PFDN1: variants seen among roughly 807,000 people sequenced by gnomAD.
PFDN1 encodes prefoldin 1.
In PFDN1, 6 loss-of-function variants were observed where a neutral mutation model predicts 17.3. That is an observed-to-expected ratio of 0.35 (90% CI 0.19 to 0.69). The LOEUF is 0.69. PFDN1 is among the 30% of genes least tolerant of loss of function. The pLI, the probability that PFDN1 is intolerant of heterozygous loss-of-function variation, is 0.65. For missense variants in PFDN1, 113 were observed against 146.2 expected (o/e 0.77, Z 1.17); for synonymous variants, 58 against 50.1 (o/e 1.16, Z -0.67).
intron 3 of PFDN1, among the ~76,000 whole-genome samples, chr5:140,248,659 A>G (rs1764867309): frequency 6.6e-6 from 1 of 152,222 alleles, no homozygotes; most frequent in South Asian, 2.1e-4. Flanking sequence ...TCAACTTGGA[A>G]CATCAGCAAG....
intron 3 of PFDN1, among the ~76,000 whole-genome samples, chr5:140,258,915 G>C (rs1316116772): frequency 6.6e-6 from 1 of 152,098 alleles, no homozygotes; most frequent in African/African-American, 2.4e-5. Flanking sequence ...GCATAGACGT[G>C]GTACTTGAAG....
intron 2 of PFDN1, among the ~76,000 whole-genome samples, chr5:140,299,850 A>G (rs1765713926): frequency 6.6e-6 from 1 of 151,848 alleles, no homozygotes; most frequent in South Asian, 2.1e-4. Context: ...CGTCTCTACT[A>G]AAAACACAAA....
At chr5:140,266,907 AG>A (rs1277306403) in intron 3 of PFDN1, among the ~76,000 whole-genome samples, 1 of 152,280 alleles carries the variant, frequency 6.6e-6, no homozygotes. Context: ...AAATCAAAGC[AG>A]AGCTTTATGC....
chr5:140,293,623 C>A (rs977392560), intron 2 of PFDN1, among the ~76,000 whole-genome samples: 10 of 152,048 alleles, frequency 6.6e-5, no homozygotes, highest in African/African-American at 2.4e-4. Flanking sequence ...AAGTACTCGT[C>A]TGCAGAAGAA....
intron 2 of PFDN1, among the ~76,000 whole-genome samples, chr5:140,299,869 G>C (rs553630524): frequency 5.3e-4 from 80 of 151,990 alleles, no homozygotes; most frequent in African/African-American, 1.6e-3. Context: ...AAAATTAGCA[G>C]GGCGTGGTGG....
intron 2 of PFDN1, among the ~76,000 whole-genome samples, chr5:140,291,979 ACTG>A (rs1765588854): frequency 6.6e-6 from 1 of 152,162 alleles, no homozygotes; most frequent in Non-Finnish European, 1.5e-5. Context: ...AGTAACACAC[ACTG>A]CTATGTTCAA....
In PFDN1 at chr5:140,272,480, C is replaced by G. The variant is rs545198031; in HGVS notation, c.285+8969G>C. ...GGTTCAAGCAATTCTCGGCCTCAGC[C>G]TCCCAAGTAGCTAGGATTACAGGCG... On this transcript the variant is annotated intron_variant, in intron 3 of 3. Transcript: ENST00000261813. 2.3e-3 allele frequency among the ~76,000 whole-genome samples: 355 copies of G among 151,748 alleles called. 1 individual carries two copies. The highest frequency in any genetic ancestry group is 3.9e-3 in the Non-Finnish European group (267 of 67,974).
At chr5:140,253,972 G>A (rs1056136185) in intron 3 of PFDN1, among the ~76,000 whole-genome samples, 1 of 152,166 alleles carries the variant, frequency 6.6e-6, no homozygotes, top group Non-Finnish European at 1.5e-5. Flanking sequence ...TCCCTCCCGG[G>A]TGGCTGTGAC....
chr5:140,288,531 C>A (rs1024925190), intron 2 of PFDN1, among the ~76,000 whole-genome samples: 8 of 152,084 alleles, frequency 5.3e-5, no homozygotes, highest in Non-Finnish European at 1.2e-4. Flanking sequence ...TCTTAGTTAA[C>A]AATAATTTAT....
intron 3 of PFDN1, among the ~76,000 whole-genome samples, chr5:140,269,040 G>A (rs950036416): frequency 2.6e-5 from 4 of 151,766 alleles, no homozygotes; most frequent in African/African-American, 7.3e-5. Context: ...GAGATGGGGG[G>A]CTCGCTCTGT....
At chr5:140,249,424 T>A (rs1333936370) in intron 3 of PFDN1, among the ~76,000 whole-genome samples, 1 of 152,202 alleles carries the variant, frequency 6.6e-6, no homozygotes, top group Admixed American at 6.5e-5. Context: ...TGGGGATAAG[T>A]ATGATCCTAG....
At chr5:140,273,747 C>T (rs373361659) in intron 3 of PFDN1, 1 of 195,862 alleles carries the variant, frequency 5.1e-6, no homozygotes, top group Non-Finnish European at 9.2e-6. Flanking sequence ...GCGCTAAGCA[C>T]GCCAGACTGT....
chr5:140,268,781 G>A (rs1333716747), intron 3 of PFDN1, among the ~76,000 whole-genome samples: 1 of 152,124 alleles, frequency 6.6e-6, no homozygotes, highest in Non-Finnish European at 1.5e-5. Flanking sequence ...GTCTTCCTGG[G>A]TATGTCAATT....
chr5:140,281,861 G>C, intron 2 of PFDN1: 1 of 189,688 alleles, frequency 5.3e-6, no homozygotes, highest in Non-Finnish European at 1.1e-5. Context: ...AACATAGCAA[G>C]ACCCTGTCTC....
chr5:140,280,014 C>CCAAA (rs1335205089), intron 3 of PFDN1, among the ~76,000 whole-genome samples: 2 of 99,106 alleles, frequency 2.0e-5, no homozygotes, highest in African/African-American at 5.0e-5. Context: ...AAAAAAAAAA[C>CCAAA]AAAAAAAGAA....
At chr5:140,293,496 C>T (rs951568045) in intron 2 of PFDN1, among the ~76,000 whole-genome samples, 1 of 151,972 alleles carries the variant, frequency 6.6e-6, no homozygotes, top group African/African-American at 2.4e-5. Flanking sequence ...AGACTTTTCC[C>T]TTTTTTAACA....
At chr5:140,248,760 T>A (rs942157348) in intron 3 of PFDN1, among the ~76,000 whole-genome samples, 2 of 152,246 alleles carry the variant, frequency 1.3e-5, no homozygotes, top group African/African-American at 4.8e-5. Context: ...AATCTCTGCT[T>A]TCTAACACTT....
At chr5:140,299,751 A>T (rs1468810948) in intron 2 of PFDN1, among the ~76,000 whole-genome samples, 1 of 152,012 alleles carries the variant, frequency 6.6e-6, no homozygotes, top group Non-Finnish European at 1.5e-5. Context: ...GTGGTGACTC[A>T]TATCTGTAAT....
intron 3 of PFDN1, among the ~76,000 whole-genome samples, chr5:140,276,255 T>C (rs1002570159): frequency 6.6e-6 from 1 of 152,212 alleles, no homozygotes; most frequent in Non-Finnish European, 1.5e-5. Context: ...GAGTTTATAT[T>C]TCCAAATCCC....
Sources: allele counts gnomAD v4.1 joint callset (sites outside exome capture counted in the v4.1 genomes callset), GRCh38; gene constraint gnomAD v4.1.1; transcripts MANE v1.5; gene names NCBI Gene and HGNC (gene_info 2026-07-23, HGNC 2026-07-21).